Variants in THOC7 observed in about 807,000 individuals in gnomAD.
THOC7 encodes the protein NIF3L1-binding protein 1.
Under a neutral mutation model 33.1 loss-of-function variants are expected in THOC7, and 22 were observed. The observed-to-expected ratio is 0.66, with a 90% confidence interval of 0.47 to 0.95. The LOEUF (loss-of-function observed/expected upper bound fraction) is 0.95. Among genes scored for constraint, THOC7 ranks in the 40% least tolerant of loss-of-function variants. The pLI, the probability that THOC7 is intolerant of heterozygous loss-of-function variation, is 0.00. For synonymous variants in THOC7, 77 were observed against 76.8 expected (o/e 1.00, Z -0.01); for missense variants, 184 against 245.3 (o/e 0.75, Z 1.67).
intron 1 of THOC7, among the ~76,000 whole-genome samples, chr3:63,860,337 C>T (rs1050078664): frequency 6.6e-6 from 1 of 152,188 alleles, no homozygotes; most frequent in Non-Finnish European, 1.5e-5. Context: ...GTGTGAGCTA[C>T]CACACCCAGC....
At chr3:63,863,668 G>A (rs933272407) in intron 1 of THOC7, 104 bp downstream of exon 1, 6 of 1,230,394 alleles carry the variant, frequency 4.9e-6, no homozygotes, top group Non-Finnish European at 1.0e-6. Flanking sequence ...CGAAGAGGCC[G>A]GGGAGGCCGA....
chr3:63,843,188 G>A (rs192816513), intron 1 of THOC7, among the ~76,000 whole-genome samples: 5 of 152,106 alleles, frequency 3.3e-5, no homozygotes, highest in East Asian at 1.9e-4. Context: ...GCATGATCTC[G>A]GCTTACTGCA....
intron 7 of THOC7, 56 bp from the exon 8 acceptor site, chr3:63,834,255 C>G: frequency 6.5e-7 from 1 of 1,529,894 alleles, no homozygotes; most frequent in Non-Finnish European, 9.0e-7. Context: ...ATTTTATATT[C>G]GATGAACACA....
rs947589223 is a variant in THOC7, at chr3:63,838,206, T to G, written c.266-144A>C. 10 of 914,736 alleles carry G rather than the reference T, an allele frequency of 1.1e-5. No individual in the cohort carries two copies. In the Admixed American group the frequency reaches 3.1e-4, roughly 28 times the overall value. 56.7% of individuals were successfully genotyped at this position (914,736 alleles called of 1,614,324 possible). Reference sequence around the variant, plus strand: ...AAAATAGCTGTAACCCAAAGTACTATATCATCTTAGAATACACATTTTTTA... The same window carrying G: ...AAAATAGCTGTAACCCAAAGTACTAGATCATCTTAGAATACACATTTTTTA... On this transcript the variant is annotated intron_variant, in intron 3 of 7. Transcript: ENST00000295899.
chr3:63,835,056 G>T, intron 7 of THOC7, 98 bp downstream of exon 7: 1 of 1,181,354 alleles, frequency 8.5e-7, no homozygotes, highest in Non-Finnish European at 1.2e-6. Context: ...AGAAATTGAA[G>T]GTATACTGTC....
At chr3:63,850,388 T>A (rs547172546) in intron 1 of THOC7, among the ~76,000 whole-genome samples, 1 of 150,824 alleles carries the variant, frequency 6.6e-6, no homozygotes, top group East Asian at 2.0e-4. Context: ...TTTAGGAGAG[T>A]CAGGGTTTCA....
At chr3:63,864,076 A>G (rs1702325490), upstream of THOC7, among the ~76,000 whole-genome samples, 1 of 145,322 alleles carries the variant, frequency 6.9e-6, no homozygotes, top group Admixed American at 6.8e-5. Context: ...CCCCGGCTGC[A>G]GCCCGGGCTC....
chr3:63,854,885 G>A (rs913833958), intron 1 of THOC7: 1 of 151,372 alleles, frequency 6.6e-6, no homozygotes, highest in African/African-American at 2.4e-5. Context: ...GCGGGCGCCT[G>A]TAGTCCCAGC....
Position 63,838,360 on chromosome 3 carries a change from A to T in THOC7, c.265+12T>A. ...AAATAAAATTACAGATAGAAACATT[A>T]AGATTCTTTACCTATTTCCTTGTAA... On this transcript the variant is annotated intron_variant, in intron 3 of 7. Coordinates refer to ENST00000295899, the MANE Select transcript of THOC7 (RefSeq NM_025075.4). 1 of 1,434,902 alleles carries T rather than the reference A, an allele frequency of 7.0e-7. No homozygotes were observed. The highest frequency in any genetic ancestry group is 9.6e-7 in the Non-Finnish European group (1 of 1,039,588). 88.9% of individuals were successfully genotyped at this position (1,434,902 alleles called of 1,614,324 possible).
chr3:63,845,578 C>T (rs576016803), intron 1 of THOC7, among the ~76,000 whole-genome samples: 12 of 152,280 alleles, frequency 7.9e-5, no homozygotes, highest in East Asian at 5.8e-4. Context: ...GGGACATGAA[C>T]TCTGGCTTTT....
Position 63,839,750 on chromosome 3 carries a change from G to A in THOC7, c.43C>T (p.Leu15Phe), listed in dbSNP as rs1701718704. ...TDDEVIRKRL[L>F]IDGDGAGDDR... ...TCTCCAGCACCATCTCCATCAATGA[G>A]GAGACGCTTCCGTATAACTTCGTCT... The change falls in exon 2 of 8, where the codon CTC becomes TTC. Residue 15 changes from leucine to phenylalanine, a missense_variant. Leu to Phe is a conservative substitution (Grantham distance 22). This residue lies in a region of THOC7 where 157 missense variants were observed against 201.3 expected (regional missense o/e 0.78). Coordinates refer to ENST00000295899, the MANE Select transcript of THOC7 (RefSeq NM_025075.4). 6.2e-7 allele frequency: 1 copy of A among 1,613,354 alleles called. No individual in the cohort carries two copies. The highest frequency in any genetic ancestry group is 8.5e-7 in the Non-Finnish European group (1 of 1,179,902).
At chr3:63,855,897 A>G (rs1226836264) in intron 1 of THOC7, among the ~76,000 whole-genome samples, 1 of 152,248 alleles carries the variant, frequency 6.6e-6, no homozygotes, top group African/African-American at 2.4e-5. Context: ...AAGGGATAAC[A>G]ATTTCAGACA....
chr3:63,841,832 A>G (rs1335192013), intron 1 of THOC7, among the ~76,000 whole-genome samples: 1 of 152,212 alleles, frequency 6.6e-6, no homozygotes, highest in African/African-American at 2.4e-5. Flanking sequence ...TAAGTTTATT[A>G]AAAAGAAGCA....
chr3:63,864,096 C>A (rs1160853087), upstream of THOC7, among the ~76,000 whole-genome samples: 1 of 146,730 alleles, frequency 6.8e-6, no homozygotes, highest in Admixed American at 6.7e-5. Context: ...CCCGCCGCCC[C>A]CCTTGCAGCC....
chr3:63,856,909 G>A (rs574688892), intron 1 of THOC7, among the ~76,000 whole-genome samples: 1 of 152,208 alleles, frequency 6.6e-6, no homozygotes, highest in South Asian at 2.1e-4. Flanking sequence ...TAGTAGAGAC[G>A]GGGTTTCACC....
chr3:63,850,016 A>G (rs957144387), intron 1 of THOC7, among the ~76,000 whole-genome samples: 7 of 152,198 alleles, frequency 4.6e-5, no homozygotes, highest in Non-Finnish European at 8.8e-5. Context: ...CAGGATGAGA[A>G]GTTGTTGACT....
intron 2 of THOC7, among the ~76,000 whole-genome samples, chr3:63,839,017 C>T (rs898964416): frequency 1.3e-5 from 2 of 152,044 alleles, no homozygotes; most frequent in African/African-American, 2.4e-5. Flanking sequence ...ATGGTGAAAC[C>T]CCATCTCTAC....
Position 63,835,357 on chromosome 3 carries a change from A to C in THOC7, c.444T>G (p.His148Gln), listed in dbSNP as rs562345461. 1 of 1,613,576 alleles carries C rather than the reference A, an allele frequency of 6.2e-7. No individual in the cohort carries two copies. The highest frequency in any genetic ancestry group is 1.1e-5 in the South Asian group (1 of 91,036). The change falls in exon 6 of 8, where the codon CAT becomes CAG. Residue 148 changes from histidine to glutamine, a missense_variant. Coordinates refer to ENST00000295899, the MANE Select transcript of THOC7 (RefSeq NM_025075.4). ...ELEALGKELE[H>Q]LSHIKESVED... ...CAACACTTTCTTTAATGTGTGAAAG[A>C]TGCTCTAATTCTTTTCCCAGAGCCT...
intron 1 of THOC7, among the ~76,000 whole-genome samples, chr3:63,855,322 T>G (rs181156273): frequency 2.2e-4 from 34 of 152,360 alleles, no homozygotes; most frequent in African/African-American, 6.7e-4. Context: ...GACACATTTA[T>G]GCTGAAATGT....
Sources: allele counts gnomAD v4.1 joint callset (sites outside exome capture counted in the v4.1 genomes callset), GRCh38; gene constraint gnomAD v4.1.1; regional missense constraint gnomAD v4.1.1; transcripts MANE v1.5; gene names NCBI Gene and HGNC (gene_info 2026-07-23, HGNC 2026-07-21).